The following PCOLCE variants were observed in gnomAD, a reference collection of about 807,000 sequenced individuals.
The protein encoded by PCOLCE is procollagen C-endopeptidase enhancer.
Under a neutral mutation model 47.2 loss-of-function variants are expected in PCOLCE, and 33 were observed. The observed-to-expected ratio is 0.70, with a 90% CI of 0.53 to 0.93. The LOEUF (loss-of-function observed/expected upper bound fraction) is 0.93. PCOLCE is among the 40% of genes least tolerant of loss of function. PCOLCE has a pLI of 0.00. For missense variants in PCOLCE, 584 were observed against 585.3 expected (o/e 1.00, Z 0.02); for synonymous variants, 254 against 252.5 (o/e 1.01, Z -0.06).
chr7:100,606,000 A>G lies in PCOLCE; in HGVS notation c.725+188A>G, dbSNP rs757612587. On this transcript the variant is annotated intron_variant, in intron 5 of 8. Coordinates refer to ENST00000223061, the MANE Select transcript of PCOLCE (RefSeq NM_002593.4). The surrounding 1 kb of genome is among the most constrained non-coding windows in gnomAD (Gnocchi z 6.1). ...CCGGGTCTGGGGTCCGCGGATAGAG[A>G]GGCGACTGGGGCTCTGCGAAGTTGG... 3.1e-6 allele frequency: 2 copies of G among 641,684 alleles called. No homozygotes were observed. The highest frequency in any genetic ancestry group is 5.3e-6 in the Non-Finnish European group (2 of 379,294). 39.7% of individuals were successfully genotyped at this position (641,684 alleles called of 1,614,324 possible).
At chr7:100,603,392 C>T in intron 1 of PCOLCE, 38 bp from the exon 2 acceptor site, 4 of 1,080,094 alleles carry the variant, frequency 3.7e-6, no homozygotes, top group Non-Finnish European at 5.6e-6. Flanking sequence ...CCGTCCCACC[C>T]GTCCCTGCTC....
chr7:100,602,808 C>T, intron 1 of PCOLCE: 1 of 545,560 alleles, frequency 1.8e-6, no homozygotes, highest in Non-Finnish European at 3.3e-6. Flanking sequence ...GATCCTTGAC[C>T]CCCCATAGAA....
chr7:100,604,798 G>A lies in PCOLCE; in HGVS notation c.464-293G>A. The A allele has an allele frequency of 2.2e-6, 1 of 452,248 alleles. No homozygotes were observed. The highest frequency in any genetic ancestry group is 2.9e-5 in the South Asian group (1 of 34,090). 28.0% of individuals were successfully genotyped at this position (452,248 alleles called of 1,614,324 possible). Reference sequence around the variant, plus strand: ...GGGGAGATGGGATCTCCTAGGGGAAGAGGCGCGGTGCGGCCGCGGGTCGGG... The same window carrying A: ...GGGGAGATGGGATCTCCTAGGGGAAAAGGCGCGGTGCGGCCGCGGGTCGGG... On this transcript the variant is annotated intron_variant, in intron 3 of 8. Transcript: ENST00000223061. The surrounding 1 kb of genome is among the most constrained non-coding windows in gnomAD (Gnocchi z 6.4).
Position 100,602,433 on chromosome 7 carries a change from C to T in PCOLCE, c.-24C>T, listed in dbSNP as rs1802625413. 5 of 1,509,646 alleles carry T rather than the reference C, an allele frequency of 3.3e-6. No homozygotes were observed. In the South Asian group the frequency reaches 4.5e-5, roughly 14 times the overall value. 93.5% of individuals were successfully genotyped at this position (1,509,646 alleles called of 1,614,324 possible). A position where few individuals can be genotyped will look rare whatever the true frequency, so the allele number is the denominator to read the frequency against. ...TCAGCTGCTGCCTCTGTCTTGAGGA[C>T]CCCAGCGCCTTTCCCCCGGGGCCAT... On this transcript the variant is annotated 5_prime_UTR_variant, in exon 1 of 9. Transcript: ENST00000223061.
chr7:100,605,052 C>A lies in PCOLCE; in HGVS notation c.464-39C>A. The stretch of plus-strand genomic sequence containing the variant: ...TTCTCCTGAAGCTGACCGAGGGTCT[C>A]CACCGCCCCCCACCCCCGCTCCTCT... On this transcript the variant is annotated intron_variant, in intron 3 of 8. Coordinates refer to ENST00000223061, the MANE Select transcript of PCOLCE (RefSeq NM_002593.4). This position sits in a 1 kb window ranked among gnomAD's most constrained non-coding sequence, Gnocchi z 6.1. The A allele has an allele frequency of 6.5e-7, 1 of 1,529,056 alleles. No homozygotes were observed. The highest frequency in any genetic ancestry group is 9.0e-7 in the Non-Finnish European group (1 of 1,109,232). 94.7% of individuals were successfully genotyped at this position (1,529,056 alleles called of 1,614,324 possible).
At chr7:100,603,721 C>T (rs1438251002) in intron 2 of PCOLCE, 183 bp downstream of exon 2, 7 of 612,070 alleles carry the variant, frequency 1.1e-5, no homozygotes, top group Non-Finnish European at 2.0e-5. Context: ...TAACCCTTCC[C>T]TCAAATCTTC....
At position 100,604,974 on chromosome 7, in the gene PCOLCE, C is replaced by T. The variant is rs553077518; in HGVS notation, c.464-117C>T. 2.2e-4 allele frequency: 151 copies of T among 676,872 alleles called. No individual in the cohort carries two copies. Among genetic ancestry groups the T allele is most frequent in the African/African-American group, 6.6e-4 (37 of 55,658 alleles). The allele number at this position is 676,872 out of a possible 1,614,324, so 41.9% of individuals were successfully genotyped here. A position where few individuals can be genotyped will look rare whatever the true frequency, so the allele number is the denominator to read the frequency against. On this transcript the variant is annotated intron_variant, in intron 3 of 8. Coordinates refer to ENST00000223061, the MANE Select transcript of PCOLCE (RefSeq NM_002593.4). This position sits in a 1 kb window ranked among gnomAD's most constrained non-coding sequence, Gnocchi z 6.4. Reference sequence around the variant, plus strand: ...TCTTACCTCCCCTTCTTCTCGTCCCCTCATCCTGAGCCCCAGACATCCGAG... The same window carrying T: ...TCTTACCTCCCCTTCTTCTCGTCCCTTCATCCTGAGCCCCAGACATCCGAG...
At position 100,604,990 on chromosome 7, in the gene PCOLCE, G is replaced by C; in HGVS notation, c.464-101G>C. ...TCTCGTCCCCTCATCCTGAGCCCCA[G>C]ACATCCGAGCTGCCTGCCGGGGCTC... On this transcript the variant is annotated intron_variant, in intron 3 of 8. Coordinates refer to ENST00000223061, the MANE Select transcript of PCOLCE (RefSeq NM_002593.4). The surrounding 1 kb of genome is among the most constrained non-coding windows in gnomAD (Gnocchi z 6.4). 2 of 770,012 alleles carry C rather than the reference G, an allele frequency of 2.6e-6. No homozygotes were observed. The allele number at this position is 770,012 out of a possible 1,614,324, so 47.7% of individuals were successfully genotyped here. A position where few individuals can be genotyped will look rare whatever the true frequency, so the allele number is the denominator to read the frequency against.
rs1443861497 is a variant in PCOLCE at position 100,604,317 on chromosome 7, A to G, written c.463+100A>G. The G allele has an allele frequency of 3.7e-5, 37 of 999,354 alleles. No homozygotes were observed. The African/African-American group carries it at 8.1e-4, about 22-fold the overall frequency. 61.9% of individuals were successfully genotyped at this position (999,354 alleles called of 1,614,324 possible). ...CTCCGCCCCGCCCACCCCGCGCCCC[A>G]GTGCCTAGGGCCCCCTACCTCCCTG... On this transcript the variant is annotated intron_variant, in intron 3 of 8. Coordinates refer to ENST00000223061, the MANE Select transcript of PCOLCE (RefSeq NM_002593.4). The surrounding 1 kb of genome is among the most constrained non-coding windows in gnomAD (Gnocchi z 6.4).
chr7:100,603,900 T>C, intron 2 of PCOLCE, 59 bp from the exon 3 acceptor site: 2 of 1,573,764 alleles, frequency 1.3e-6, no homozygotes, highest in Admixed American at 1.7e-5. Flanking sequence ...GGAGCTGCCC[T>C]CTGGCTGGGT....
intron 6 of PCOLCE, 68 bp downstream of exon 6, chr7:100,606,698 G>A (rs1417291132): frequency 8.0e-7 from 1 of 1,252,192 alleles, no homozygotes. Context: ...TTCTGACCTG[G>A]GCTGTGGCTC....
chr7:100,603,506 C>G lies in PCOLCE; in HGVS notation c.172C>G (p.Pro58Ala). The stretch of plus-strand genomic sequence containing the variant: ...AAGTGAGGGGTTCCCCAACCTCTAC[C>G]CCCCTAATAAGGAGTGCATCTGGAC... Reference protein sequence around the residue: ...VASEGFPNLYPPNKECIWTIT... With the variant: ...VASEGFPNLYAPNKECIWTIT... Residue 58 changes from proline (P) to alanine (A), a missense_variant, in exon 2 of 9, where the codon CCC (proline) becomes GCC (alanine). By Grantham distance (27) the Pro-to-Ala change is conservative. Transcript: ENST00000223061. The G allele has an allele frequency of 6.2e-7, 1 of 1,600,808 alleles. No individual in the cohort carries two copies. Among genetic ancestry groups the G allele is most frequent in the Non-Finnish European group, 8.5e-7 (1 of 1,171,244 alleles).
At position 100,607,925 on chromosome 7, in the gene PCOLCE, T is replaced by C. The variant is rs114747798; in HGVS notation, c.1184-12T>C. On this transcript the variant is annotated splice_polypyrimidine_tract_variant and intron_variant, in intron 8 of 8. Transcript: ENST00000223061. Reference sequence around the variant, plus strand: ...AGAATAAGAGATCTCAACCCCTCCCTCCTTCTTCCAGGAGTCAGTTATCTG... The same window carrying C: ...AGAATAAGAGATCTCAACCCCTCCCCCCTTCTTCCAGGAGTCAGTTATCTG... 1.8e-3 allele frequency: 2,907 copies of C among 1,613,976 alleles called. 40 individuals carry two copies. The African/African-American group carries it at 0.035, about 19-fold the overall frequency.
chr7:100,604,541 T>G lies in PCOLCE; in HGVS notation c.463+324T>G, dbSNP rs1408243148. On this transcript the variant is annotated intron_variant, in intron 3 of 8. Transcript: ENST00000223061. The surrounding 1 kb of genome is among the most constrained non-coding windows in gnomAD (Gnocchi z 6.4). Reference sequence around the variant, plus strand: ...GGCCCCCGTCCGCAATCGGGCTCCCTCCGTCGGGCGCGAGGGGGCACCCCA... The same window carrying G: ...GGCCCCCGTCCGCAATCGGGCTCCCGCCGTCGGGCGCGAGGGGGCACCCCA... The G allele has an allele frequency of 6.7e-6, 3 of 448,556 alleles. No homozygotes were observed. The highest frequency in any genetic ancestry group is 1.2e-5 in the Non-Finnish European group (3 of 241,804). 27.8% of individuals were successfully genotyped at this position (448,556 alleles called of 1,614,324 possible).
At position 100,605,763 on chromosome 7, in the gene PCOLCE, A is replaced by G; in HGVS notation, c.676A>G (p.Ser226Gly). 1 of 1,559,236 alleles carries G rather than the reference A, an allele frequency of 6.4e-7. No individual in the cohort carries two copies. The highest frequency in any genetic ancestry group is 2.4e-5 in the East Asian group (1 of 41,628). Residue 226 changes from serine (S) to glycine (G), a missense_variant, in exon 5 of 9, where the codon AGC becomes GGC. Ser to Gly is a moderately conservative substitution (Grantham distance 56). Transcript: ENST00000223061. The surrounding 1 kb of genome is among the most constrained non-coding windows in gnomAD (Gnocchi z 6.1). ...GGTCAGCGTGTTCAACGGAGCCGTG[A>G]GCGACGACTCCCGGAGGCTGGGGAA... ...DSVSVFNGAV[S>G]DDSRRLGKFC...
chr7:100,604,435 C>T lies in PCOLCE; in HGVS notation c.463+218C>T. Reference sequence around the variant, plus strand: ...CACCCATCCCTCTTCCAGGGCCCCCCCCAGGCGCGAGGCGGAAATGGGTCA... The same window carrying T: ...CACCCATCCCTCTTCCAGGGCCCCCTCCAGGCGCGAGGCGGAAATGGGTCA... On this transcript the variant is annotated intron_variant, in intron 3 of 8. Coordinates refer to ENST00000223061, the MANE Select transcript of PCOLCE (RefSeq NM_002593.4). The surrounding 1 kb of genome is among the most constrained non-coding windows in gnomAD (Gnocchi z 6.4). The T allele has an allele frequency of 1.6e-6, 1 of 632,184 alleles. No homozygotes were observed. The highest frequency in any genetic ancestry group is 2.8e-6 in the Non-Finnish European group (1 of 355,888). The allele number at this position is 632,184 out of a possible 1,614,324, so 39.2% of individuals were successfully genotyped here. A position where few individuals can be genotyped will look rare whatever the true frequency, so the allele number is the denominator to read the frequency against.
chr7:100,606,197 G>GGC (rs2131289588), intron 5 of PCOLCE: 2 of 564,346 alleles, frequency 3.5e-6, no homozygotes, highest in Non-Finnish European at 6.3e-6. Flanking sequence ...TGGGCATGGT[G>GGC]GCGTGCCTGT....
intron 6 of PCOLCE, 95 bp downstream of exon 6, chr7:100,606,725 C>T: frequency 1.1e-6 from 1 of 919,572 alleles, no homozygotes; most frequent in South Asian, 1.7e-5. Context: ...GTAATCCCAG[C>T]ATTTTGGGAG....
At position 100,604,650 on chromosome 7, in the gene PCOLCE, C is replaced by G. The variant is rs1802679213; in HGVS notation, c.463+433C>G. 4 of 324,914 alleles carry G rather than the reference C, an allele frequency of 1.2e-5. No homozygotes were observed. The highest frequency in any genetic ancestry group is 2.3e-5 in the Non-Finnish European group (4 of 171,020). 20.1% of individuals were successfully genotyped at this position (324,914 alleles called of 1,614,324 possible). ...CCCGATTGCGGTCCCATCACCCCCT[C>G]CTGGCGGCAGAAGTCTCCCTTGCAA... is the stretch of plus-strand genomic sequence containing the variant. On this transcript the variant is annotated intron_variant, in intron 3 of 8. Transcript: ENST00000223061. This position sits in a 1 kb window ranked among gnomAD's most constrained non-coding sequence, Gnocchi z 6.4.
Sources: gnomAD v4.1 joint callset for allele counts on GRCh38, gnomAD v4.1.1 for gene constraint, Gnocchi (gnomAD v3.1) non-coding constraint, MANE v1.5 for transcripts, NCBI Gene and HGNC (gene_info 2026-07-23, HGNC 2026-07-21) for gene names.